The following MEGF6 variants were observed in gnomAD, a reference collection of about 807,000 sequenced individuals.
The protein encoded by MEGF6 is multiple epidermal growth factor-like domains protein 6.
A neutral mutation model predicts 207.1 loss-of-function variants in MEGF6; 184 were observed. The observed-to-expected ratio is 0.89, with a 90% confidence interval of 0.79 to 1.00. The LOEUF is 1.00. MEGF6 is among the 50% of genes least tolerant of loss of function. The pLI is 0.00. For missense variants in MEGF6, 2,282 were observed against 2,202.9 expected, an observed-to-expected ratio of 1.04 and a Z score of -0.72; for synonymous variants, 1,038 against 910.0, an observed-to-expected ratio of 1.14 and a Z score of -2.53.
chr1:3,541,613 G>C (rs988033071), intron 4 of MEGF6, among the ~76,000 whole-genome samples: 2 of 152,148 alleles, frequency 1.3e-5, no homozygotes, highest in Admixed American at 6.5e-5. Flanking sequence ...TGGCCCGAGG[G>C]GGGCAGCCGG....
chr1:3,491,944 C>G (rs1640389645), intron 35 of MEGF6, among the ~76,000 whole-genome samples: 1 of 151,844 alleles, frequency 6.6e-6, no homozygotes, highest in Non-Finnish European at 1.5e-5. Flanking sequence ...ACATGCCCGG[C>G]ACACACGCCT....
intron 3 of MEGF6, among the ~76,000 whole-genome samples, chr1:3,580,852 C>T (rs545610187): frequency 6.6e-5 from 10 of 152,206 alleles, no homozygotes; most frequent in Admixed American, 6.5e-4. Context: ...TGCCCCACCC[C>T]GGAGCCTGTG....
chr1:3,494,806 G>A (rs1408450807), intron 30 of MEGF6, 65 bp from the exon 31 acceptor site: 10 of 1,470,962 alleles, frequency 6.8e-6, no homozygotes, highest in Admixed American at 2.4e-5. Flanking sequence ...CTGGGGATAT[G>A]TCCCCACAGG....
intron 3 of MEGF6, 38 bp downstream of exon 3, chr1:3,595,300 A>C: frequency 8.0e-7 from 1 of 1,256,962 alleles, no homozygotes; most frequent in Non-Finnish European, 1.1e-6. Context: ...TCTGGGGTGG[A>C]GGTGGAGGGA....
chr1:3,602,661 T>A (rs963675433), intron 1 of MEGF6, 61 bp from the exon 2 acceptor site: 14 of 1,549,098 alleles, frequency 9.0e-6, no homozygotes, highest in Non-Finnish European at 1.1e-5. Flanking sequence ...CACCCACCCC[T>A]CCTGCACCCC....
Position 3,510,891 on chromosome 1 carries a change from A to G in MEGF6, c.1126T>C (p.Cys376Arg). The change falls in exon 10 of 37, where the codon TGT becomes CGT. Residue 376 changes from cysteine to arginine, a missense_variant. Transcript: ENST00000356575. The part of the protein sequence containing the change: ...DQRTCIDVDD[C>R]ADSPCCQQVC... ...TGCTGGCAGCACGGGCTGTCTGCAC[A>G]GTCGTCGACATCTGTGGAGCACACG... The G allele has an allele frequency of 1.9e-6, 3 of 1,606,096 alleles. No individual in the cohort carries two copies. Among genetic ancestry groups the G allele is most frequent in the Non-Finnish European group, 2.6e-6 (3 of 1,174,568 alleles).
intron 7 of MEGF6, among the ~76,000 whole-genome samples, chr1:3,513,343 C>G (rs886706388): frequency 7.9e-5 from 12 of 151,816 alleles, no homozygotes; most frequent in African/African-American, 2.9e-4. Flanking sequence ...TTCCGAGTAG[C>G]TGGGACTCCT....
intron 5 of MEGF6, among the ~76,000 whole-genome samples, chr1:3,520,901 C>A (rs76447852): frequency 0.032 from 4,852 of 152,272 alleles, 134 homozygotes; most frequent in South Asian, 0.079. Flanking sequence ...TCCTCTGGGG[C>A]CTTCCCAGAT....
At chr1:3,523,084 GC>G (rs1227245695) in intron 5 of MEGF6, among the ~76,000 whole-genome samples, 10 of 151,572 alleles carry the variant, frequency 6.6e-5, no homozygotes, top group South Asian at 2.1e-4. Flanking sequence ...CGGGGGGGGG[GC>G]CCCAGGGCTG....
At chr1:3,525,516 G>C (rs1181559180) in intron 4 of MEGF6, among the ~76,000 whole-genome samples, 1 of 152,242 alleles carries the variant, frequency 6.6e-6, no homozygotes, top group East Asian at 1.9e-4. Context: ...CCCTGAACAA[G>C]CGTGGCTGAA....
intron 4 of MEGF6, among the ~76,000 whole-genome samples, chr1:3,542,579 T>C (rs4520356): frequency 0.16 from 23,881 of 152,052 alleles, 1,986 homozygotes; most frequent in East Asian, 0.24. Flanking sequence ...GAGGGGAAGA[T>C]GGGCCACACG....
chr1:3,514,521 C>T (rs373075953), intron 7 of MEGF6, 29 bp downstream of exon 7: 205 of 1,569,226 alleles, frequency 1.3e-4, no homozygotes, highest in Non-Finnish European at 1.6e-4. Context: ...TGACCCTGGG[C>T]GGGGCGGAGC....
At chr1:3,520,631 G>C (rs1641710584) in intron 5 of MEGF6, among the ~76,000 whole-genome samples, 1 of 152,112 alleles carries the variant, frequency 6.6e-6, no homozygotes, top group Admixed American at 6.5e-5. Flanking sequence ...CAGGGCAATG[G>C]GGCACACCAG....
chr1:3,531,407 G>A, intron 4 of MEGF6: 1 of 1,145,136 alleles, frequency 8.7e-7, no homozygotes, highest in Non-Finnish European at 1.1e-6. Context: ...CCCGGGAGCC[G>A]CTCTGGGCCG....
At chr1:3,586,154 TGAG>T (rs1292841607) in intron 3 of MEGF6, among the ~76,000 whole-genome samples, 4 of 149,386 alleles carry the variant, frequency 2.7e-5, no homozygotes, top group Admixed American at 6.6e-5. Flanking sequence ...TGTGTGTGTG[TGAG>T]GACACATGTC....
At chr1:3,521,936 C>T (rs1256316117) in intron 5 of MEGF6, among the ~76,000 whole-genome samples, 2 of 152,154 alleles carry the variant, frequency 1.3e-5, no homozygotes, top group African/African-American at 2.4e-5. Context: ...GGCCAGGGGT[C>T]GCCAGGCCAC....
intron 4 of MEGF6, among the ~76,000 whole-genome samples, chr1:3,551,357 AG>A (rs1279642774): frequency 6.6e-6 from 1 of 152,132 alleles, no homozygotes; most frequent in Non-Finnish European, 1.5e-5. Context: ...AAGGGGCCAA[AG>A]GGGTGGGATG....
chr1:3,540,040 G>A lies in MEGF6; in HGVS notation c.482-15794C>T, dbSNP rs144384057. Among the ~76,000 whole-genome samples the A allele has an allele frequency of 1.8e-3, 268 of 152,316 alleles. 3 individuals carry two copies. Among genetic ancestry groups the A allele is most frequent in the African/African-American group, 4.9e-3 (204 of 41,558 alleles). ...CTTCAGCCCTCCGTGTTTATCTGGA[G>A]CACGGCCACAGATGCCTGCAGGCTG... On this transcript the variant is annotated intron_variant, in intron 4 of 36. Coordinates refer to ENST00000356575, the MANE Select transcript of MEGF6 (RefSeq NM_001409.4).
intron 24 of MEGF6, 46 bp downstream of exon 24, chr1:3,499,092 C>T (rs374620323): frequency 1.4e-5 from 22 of 1,588,412 alleles, no homozygotes; most frequent in African/African-American, 1.2e-4. Context: ...CCAGCACCCT[C>T]GCTCAGGCCT....
Sources: gnomAD v4.1 joint callset for allele counts (sites outside exome capture counted in the v4.1 genomes callset) on GRCh38, gnomAD v4.1.1 for gene constraint, MANE v1.5 for transcripts, NCBI Gene and HGNC (gene_info 2026-07-23, HGNC 2026-07-21) for gene names.